ARHGAP6: variants seen among roughly 807,000 people sequenced by gnomAD.
ARHGAP6 encodes Rho GTPase activating protein 6, also known as rho GTPase-activating protein 6.
Under a neutral mutation model 55.7 loss-of-function variants are expected in ARHGAP6, and 16 were observed. That is an observed-to-expected ratio of 0.29 (90% CI 0.19 to 0.44). The LOEUF (loss-of-function observed/expected upper bound fraction) is 0.44. Among genes scored for constraint, ARHGAP6 ranks in the 20% least tolerant of loss-of-function variants. ARHGAP6 has a pLI of 1.00. For synonymous variants in ARHGAP6, 382 were observed against 360.9 expected, an observed-to-expected ratio of 1.06 and a Z score of -0.66; for missense variants, 698 against 808.9, an observed-to-expected ratio of 0.86 and a Z score of 1.66.
At chrX:11,333,864 C>T (rs2048593466) in intron 1 of ARHGAP6, among the ~76,000 whole-genome samples, 1 of 111,883 alleles carries the variant, frequency 8.9e-6, no homozygotes, top group African/African-American at 3.3e-5. Context: ...TGAAGAACCC[C>T]TGACACCGTA....
chrX:11,662,043 C>T (rs1014698331), intron 1 of ARHGAP6, among the ~76,000 whole-genome samples: 2 of 111,956 alleles, frequency 1.8e-5, no homozygotes, highest in Non-Finnish European at 3.8e-5. Flanking sequence ...GCCAGAGCAA[C>T]CAGAAAAGTT....
At chrX:11,321,649 C>T (rs2048433639) in intron 1 of ARHGAP6, among the ~76,000 whole-genome samples, 1 of 111,542 alleles carries the variant, frequency 9.0e-6, no homozygotes, top group Admixed American at 9.6e-5. Flanking sequence ...CTGTCCATCA[C>T]ACCAAAAATG....
intron 1 of ARHGAP6, among the ~76,000 whole-genome samples, chrX:11,368,878 C>G (rs1432629140): frequency 8.9e-6 from 1 of 111,829 alleles, no homozygotes; most frequent in Non-Finnish European, 1.9e-5. Context: ...AATTTCCTGT[C>G]TCTCTGGTTT....
intron 1 of ARHGAP6, among the ~76,000 whole-genome samples, chrX:11,451,787 T>G (rs1485913121): frequency 3.6e-5 from 4 of 112,217 alleles, no homozygotes; most frequent in Non-Finnish European, 7.5e-5. Context: ...AAATTACTGC[T>G]AGACTGGAAA....
chrX:11,615,207 C>G (rs992600453), intron 1 of ARHGAP6, among the ~76,000 whole-genome samples: 7 of 111,867 alleles, frequency 6.3e-5, no homozygotes, highest in Non-Finnish European at 1.3e-4. Context: ...GCACCTTTCT[C>G]AGGCCTTTCT....
chrX:11,519,291 C>A, intron 1 of ARHGAP6, among the ~76,000 whole-genome samples: 1 of 109,395 alleles, frequency 9.1e-6, no homozygotes, highest in Admixed American at 9.9e-5. Flanking sequence ...TCCTCCCCAG[C>A]ACCTGTTGTT....
intron 2 of ARHGAP6, among the ~76,000 whole-genome samples, chrX:11,215,885 C>T: frequency 8.9e-6 from 1 of 112,169 alleles, no homozygotes; most frequent in Non-Finnish European, 1.9e-5. Flanking sequence ...TGCTAAGATG[C>T]CCAAGCTTTT....
intron 1 of ARHGAP6, among the ~76,000 whole-genome samples, chrX:11,449,372 C>A (rs1393489806): frequency 1.8e-5 from 2 of 112,123 alleles, no homozygotes; most frequent in African/African-American, 6.5e-5. Flanking sequence ...GACATCCAGG[C>A]AGCCATTGTG....
chrX:11,465,796 C>T (rs1197180820), intron 1 of ARHGAP6, among the ~76,000 whole-genome samples: 1 of 112,111 alleles, frequency 8.9e-6, no homozygotes, highest in Non-Finnish European at 1.9e-5. Flanking sequence ...AGCCATATGT[C>T]AGGTGCTCAA....
At chrX:11,632,670 A>G (rs934132228) in intron 1 of ARHGAP6, among the ~76,000 whole-genome samples, 1 of 112,553 alleles carries the variant, frequency 8.9e-6, no homozygotes, top group Non-Finnish European at 1.9e-5. Context: ...TGTCTGGTAC[A>G]TTAAGACCCA....
At chrX:11,341,776 T>C (rs1203249476) in intron 1 of ARHGAP6, among the ~76,000 whole-genome samples, 1 of 111,880 alleles carries the variant, frequency 8.9e-6, no homozygotes, top group East Asian at 2.8e-4. Context: ...GGCTGATAAA[T>C]TGCTGTCTTT....
chrX:11,441,159 G>A (rs772804895), intron 1 of ARHGAP6, among the ~76,000 whole-genome samples: 5 of 111,758 alleles, frequency 4.5e-5, no homozygotes, highest in Admixed American at 3.8e-4. Context: ...GCCCTCCTAC[G>A]AAGGAATTCA....
At chrX:11,298,025 G>A (rs906771257) in intron 1 of ARHGAP6, 1 of 957,537 alleles carries the variant, frequency 1.0e-6, no homozygotes, top group African/African-American at 1.9e-5. Flanking sequence ...GATGAAGAAT[G>A]TGTGTGATGG....
chrX:11,172,334 G>GGTAA (rs2046103933), intron 8 of ARHGAP6, among the ~76,000 whole-genome samples: 1 of 111,159 alleles, frequency 9.0e-6, no homozygotes, highest in African/African-American at 3.3e-5. Flanking sequence ...TTATTTCATT[G>GGTAA]GTAAGTTTTT....
chrX:11,427,476 G>A (rs1246534525), intron 1 of ARHGAP6: 32 of 912,524 alleles, frequency 3.5e-5, no homozygotes, highest in Non-Finnish European at 9.6e-6. Context: ...GACTACCATC[G>A]CCCCTCGCAG....
intron 1 of ARHGAP6, among the ~76,000 whole-genome samples, chrX:11,430,646 C>G (rs1246422229): frequency 8.9e-6 from 1 of 112,650 alleles, no homozygotes; most frequent in Non-Finnish European, 1.9e-5. Context: ...AAACACCACT[C>G]TAATCAAAAT....
intron 1 of ARHGAP6, among the ~76,000 whole-genome samples, chrX:11,639,444 T>A (rs1410633628): frequency 9.1e-6 from 1 of 109,972 alleles, no homozygotes; most frequent in Admixed American, 9.8e-5. Flanking sequence ...TTCTCACCTA[T>A]GAGCGAGAAC....
chrX:11,326,379 T>C lies in ARHGAP6; in HGVS notation c.589-71672A>G, dbSNP rs775789395. Among the ~76,000 whole-genome samples the C allele has an allele frequency of 3.8e-3, 419 of 111,357 alleles. 1 individual carries two copies. The highest frequency in any genetic ancestry group is 0.014 in the Middle Eastern group (3 of 214). On this transcript the variant is annotated intron_variant, in intron 1 of 12. Coordinates refer to ENST00000337414, the MANE Select transcript of ARHGAP6 (RefSeq NM_013427.3). ...CCGATCTCAGGTGATCCACCCGCCT[T>C]GGCCTCCCAAAGTGCTGGGATTACA...
intron 1 of ARHGAP6, among the ~76,000 whole-genome samples, chrX:11,344,678 CAAAA>C (rs34123570): frequency 1.1e-4 from 3 of 28,271 alleles, no homozygotes; most frequent in African/African-American, 4.5e-4. Flanking sequence ...AACTCCATCA[CAAAA>C]AAAAAAAAAA....
Sources: gnomAD v4.1 joint callset for allele counts (sites outside exome capture counted in the v4.1 genomes callset) on GRCh38, gnomAD v4.1.1 for gene constraint, MANE v1.5 for transcripts, NCBI Gene and HGNC (gene_info 2026-07-23, HGNC 2026-07-21) for gene names.